Variants in LRBA observed in about 807,000 individuals in gnomAD.
LRBA encodes LPS responsive beige-like anchor protein.
In LRBA, 176 loss-of-function variants were observed where a neutral mutation model predicts 330.0. The ratio of observed to expected loss-of-function variants is 0.53; its 90% CI spans 0.47 to 0.60. The LOEUF is 0.60. Among genes scored for constraint, LRBA ranks in the 20% least tolerant of loss-of-function variants. The pLI is 0.00. For synonymous variants in LRBA, 1,230 were observed against 1,193.0 expected (o/e 1.03, Z -0.64); for missense variants, 3,259 against 3,444.8 (o/e 0.95, Z 1.35).
chr4:150,926,193 A>ACAT (rs1733862479), intron 4 of LRBA, among the ~76,000 whole-genome samples: 1 of 152,194 alleles, frequency 6.6e-6, no homozygotes, highest in Non-Finnish European at 1.5e-5. Flanking sequence ...GCTTATGATA[A>ACAT]AACTCAACAT....
At chr4:150,720,643 G>GA (rs1292616941) in intron 36 of LRBA, among the ~76,000 whole-genome samples, 1 of 151,846 alleles carries the variant, frequency 6.6e-6, no homozygotes, top group Non-Finnish European at 1.5e-5. Context: ...TACTAAGCAA[G>GA]AAAAAACAAA....
intron 2 of LRBA, among the ~76,000 whole-genome samples, chr4:150,978,386 G>C (rs1410416604): frequency 1.3e-5 from 2 of 152,222 alleles, no homozygotes; most frequent in Admixed American, 6.5e-5. Context: ...ACAATAGCCA[G>C]TCCCTTCAAA....
chr4:150,426,600 T>G (rs1287814113), intron 46 of LRBA, among the ~76,000 whole-genome samples: 1 of 151,886 alleles, frequency 6.6e-6, no homozygotes, highest in Non-Finnish European at 1.5e-5. Flanking sequence ...TTATTATCAT[T>G]AGTAGGATTC....
At chr4:151,005,652 T>A (rs965985334) in intron 2 of LRBA, among the ~76,000 whole-genome samples, 19 of 138,982 alleles carry the variant, frequency 1.4e-4, no homozygotes, top group African/African-American at 5.3e-4. Flanking sequence ...TCACCCAAGC[T>A]GGAGCACAGT....
At chr4:150,925,216 A>G (rs1291460446) in intron 4 of LRBA, among the ~76,000 whole-genome samples, 1 of 151,884 alleles carries the variant, frequency 6.6e-6, no homozygotes, top group African/African-American at 2.4e-5. Flanking sequence ...TACACTTATC[A>G]TTGCTTTCTT....
chr4:150,304,560 T>C (rs1038814017), intron 52 of LRBA, among the ~76,000 whole-genome samples: 3 of 152,176 alleles, frequency 2.0e-5, no homozygotes, highest in African/African-American at 4.8e-5. Flanking sequence ...AGCTGCTAAA[T>C]GTTCAAGATG....
intron 47 of LRBA, among the ~76,000 whole-genome samples, chr4:150,387,000 A>G (rs1743176117): frequency 6.6e-6 from 1 of 151,922 alleles, no homozygotes; most frequent in Non-Finnish European, 1.5e-5. Flanking sequence ...TTTGATTTGC[A>G]TTTCTCTAAT....
At chr4:150,867,348 G>A (rs1752853197) in intron 22 of LRBA, among the ~76,000 whole-genome samples, 1 of 151,978 alleles carries the variant, frequency 6.6e-6, no homozygotes, top group Non-Finnish European at 1.5e-5. Context: ...AAAATATTAG[G>A]TTGGTGCAAA....
Position 150,710,263 on chromosome 4 carries a change from A to T in LRBA, c.5754+24995T>A, listed in dbSNP as rs1370344985. ...GGAAAAAATGGGTAATGGGTGATTT[A>T]TGTAAGCAAGTAAGTAAATGGAAGT... On this transcript the variant is annotated intron_variant, in intron 36 of 56. Coordinates refer to ENST00000651943, the MANE Select transcript of LRBA (RefSeq NM_001364905.1). Among the ~76,000 whole-genome samples, 7 of 152,294 alleles carry T rather than the reference A, an allele frequency of 4.6e-5. No individual in the cohort carries two copies. The East Asian group carries it at 1.3e-3, about 29-fold the overall frequency.
At chr4:150,848,720 T>C (rs1159736000) in intron 26 of LRBA, 98 bp downstream of exon 26, 5 of 941,262 alleles carry the variant, frequency 5.3e-6, no homozygotes, top group Non-Finnish European at 8.1e-6. Context: ...AGCTAACATA[T>C]ATTTTCTCAC....
intron 36 of LRBA, among the ~76,000 whole-genome samples, chr4:150,720,381 G>A (rs1233809941): frequency 6.6e-6 from 1 of 151,962 alleles, no homozygotes; most frequent in Non-Finnish European, 1.5e-5. Context: ...AAAACATAAT[G>A]CAAATAAGAT....
At chr4:150,308,534 T>A (rs914339786) in intron 52 of LRBA, among the ~76,000 whole-genome samples, 1 of 152,212 alleles carries the variant, frequency 6.6e-6, no homozygotes, top group African/African-American at 2.4e-5. Context: ...AAAGAAAAAG[T>A]TGATTCTAAA....
At chr4:150,740,976 C>T (rs779662814) in intron 35 of LRBA, among the ~76,000 whole-genome samples, 5 of 151,984 alleles carry the variant, frequency 3.3e-5, no homozygotes, top group Non-Finnish European at 7.4e-5. Flanking sequence ...GACAAATTAA[C>T]CCTGACTTCT....
intron 34 of LRBA, among the ~76,000 whole-genome samples, chr4:150,774,313 G>T (rs1456892653): frequency 6.6e-6 from 1 of 151,974 alleles, no homozygotes; most frequent in Non-Finnish European, 1.5e-5. Context: ...GCTGACAAAG[G>T]ATCTACCACC....
chr4:150,842,980 G>T (rs1266592741), intron 28 of LRBA, among the ~76,000 whole-genome samples: 3 of 152,108 alleles, frequency 2.0e-5, no homozygotes, highest in Admixed American at 6.5e-5. Flanking sequence ...ATTTTCATAA[G>T]GAGCGCACAA....
chr4:150,764,146 C>CTT (rs2126486364), intron 34 of LRBA, among the ~76,000 whole-genome samples: 1 of 151,938 alleles, frequency 6.6e-6, no homozygotes, highest in Admixed American at 6.6e-5. Flanking sequence ...AGAAAATTAC[C>CTT]TTTCTTGCTA....
intron 19 of LRBA, 114 bp from the exon 20 acceptor site, chr4:150,870,720 T>G (rs1030371189): frequency 1.7e-6 from 1 of 576,624 alleles, no homozygotes; most frequent in African/African-American, 1.9e-5. Context: ...AATCAAAATA[T>G]AGTATATTTT....
At chr4:150,750,262 T>C (rs544711074) in intron 35 of LRBA, among the ~76,000 whole-genome samples, 17 of 152,328 alleles carry the variant, frequency 1.1e-4, no homozygotes, top group African/African-American at 4.1e-4. Flanking sequence ...CACAGACTTA[T>C]TCACAGCTAT....
At chr4:150,697,341 A>C (rs949112880) in intron 36 of LRBA, among the ~76,000 whole-genome samples, 2 of 148,160 alleles carry the variant, frequency 1.3e-5, no homozygotes, top group Non-Finnish European at 3.0e-5. Context: ...AAAAAAAAAA[A>C]AAAAAAAAAA....
Sources: gnomAD v4.1 joint callset for allele counts (sites outside exome capture counted in the v4.1 genomes callset) on GRCh38, gnomAD v4.1.1 for gene constraint, MANE v1.5 for transcripts, NCBI Gene and HGNC (gene_info 2026-07-23, HGNC 2026-07-21) for gene names.